Variants in STK32B observed in about 807,000 individuals in gnomAD.
The protein encoded by STK32B is serine/threonine kinase 32B, also known as serine/threonine-protein kinase 32B.
Under a neutral mutation model 52.6 loss-of-function variants are expected in STK32B, and 43 were observed. The ratio of observed to expected loss-of-function variants is 0.82; its 90% CI spans 0.64 to 1.05. The LOEUF is 1.05. Among genes scored for constraint, STK32B ranks in the 50% least tolerant of loss-of-function variants. The pLI, the probability that STK32B is intolerant of heterozygous loss-of-function variation, is 0.00. For missense variants in STK32B, 621 were observed against 534.6 expected (o/e 1.16, Z -1.59); for synonymous variants, 238 against 204.3 (o/e 1.17, Z -1.41).
At chr4:5,044,185 G>T in the STK32B span, among the ~76,000 whole-genome samples, 2 of 152,208 alleles carry the variant, frequency 1.3e-5, no homozygotes, top group East Asian at 1.9e-4. Flanking sequence ...TTCTGTCTAA[G>T]CTGGCTGCCT....
At chr4:5,482,254 A>T (rs1182368316) in intron 11 of STK32B, among the ~76,000 whole-genome samples, 1 of 151,974 alleles carries the variant, frequency 6.6e-6, no homozygotes, top group Non-Finnish European at 1.5e-5. Context: ...ATCCTCTTTT[A>T]TTTCGTTGAG....
chr4:5,189,111 A>AC (rs953007147), intron 3 of STK32B, among the ~76,000 whole-genome samples: 1 of 152,012 alleles, frequency 6.6e-6, no homozygotes, highest in Non-Finnish European at 1.5e-5. Flanking sequence ...CACTTCCCCC[A>AC]CCACAGTGGT....
At chr4:5,173,592 G>T (rs1035241833) in intron 3 of STK32B, among the ~76,000 whole-genome samples, 1 of 152,180 alleles carries the variant, frequency 6.6e-6, no homozygotes, top group Non-Finnish European at 1.5e-5. Flanking sequence ...AGGTTGTTAA[G>T]TTTCCATGTA....
chr4:5,414,137 A>T (rs1428334441), intron 5 of STK32B, among the ~76,000 whole-genome samples: 3 of 152,172 alleles, frequency 2.0e-5, no homozygotes, highest in African/African-American at 7.2e-5. Flanking sequence ...CAGACATCCT[A>T]TGGAATACTG....
At chr4:5,248,953 A>G (rs1438929049) in intron 3 of STK32B, among the ~76,000 whole-genome samples, 3 of 152,024 alleles carry the variant, frequency 2.0e-5, no homozygotes, top group South Asian at 2.1e-4. Flanking sequence ...GAGGAGGGAT[A>G]GCATTAGGAG....
intron 1 of STK32B, among the ~76,000 whole-genome samples, chr4:5,139,106 C>T (rs1389475052): frequency 6.6e-6 from 1 of 152,116 alleles, no homozygotes; most frequent in African/African-American, 2.4e-5. Flanking sequence ...TGGATTAGAC[C>T]AGAGCAGTGG....
intron 1 of STK32B, among the ~76,000 whole-genome samples, chr4:5,121,378 T>A (rs779066098): frequency 9.9e-5 from 15 of 152,158 alleles, no homozygotes; most frequent in Admixed American, 2.0e-4. Flanking sequence ...GCACTTTACA[T>A]GTATTAAAAG....
intron 3 of STK32B, among the ~76,000 whole-genome samples, chr4:5,310,793 T>C: frequency 6.6e-6 from 1 of 152,204 alleles, no homozygotes; most frequent in East Asian, 1.9e-4. Context: ...TCAACTTAAG[T>C]GTCCACAAAT....
chr4:5,136,386 G>T (rs1577093989), intron 1 of STK32B, among the ~76,000 whole-genome samples: 1 of 152,056 alleles, frequency 6.6e-6, no homozygotes, highest in African/African-American at 2.4e-5. Flanking sequence ...ACCCTTTGCA[G>T]CTCTAAGAGT....
intron 4 of STK32B, among the ~76,000 whole-genome samples, chr4:5,382,905 G>T (rs375603543): frequency 6.6e-6 from 1 of 152,192 alleles, no homozygotes; most frequent in African/African-American, 2.4e-5. Context: ...TTCATACAGA[G>T]TTAAGGTCCC....
At chr4:5,121,121 C>G (rs1212334644) in intron 1 of STK32B, among the ~76,000 whole-genome samples, 1 of 152,124 alleles carries the variant, frequency 6.6e-6, no homozygotes, top group Non-Finnish European at 1.5e-5. Context: ...TTATATCACT[C>G]TTAGGACTTT....
chr4:5,430,529 C>A (rs1318260803), intron 6 of STK32B, among the ~76,000 whole-genome samples: 1 of 152,174 alleles, frequency 6.6e-6, no homozygotes, highest in African/African-American at 2.4e-5. Flanking sequence ...TTAGGTCTGA[C>A]ATCTAGTTCA....
At position 5,378,792 on chromosome 4, in the gene STK32B, G is replaced by T. The variant is rs12642390; in HGVS notation, c.435-19415G>T. ...CTGGCTGGGTAGATGAGTTTGTGACGGGGAGGGTTTCTTGGAGCCCCATCC... is the reference window on the plus strand; with the variant it reads ...CTGGCTGGGTAGATGAGTTTGTGACTGGGAGGGTTTCTTGGAGCCCCATCC... On this transcript the variant is annotated intron_variant, in intron 4 of 11. Coordinates refer to ENST00000282908, the MANE Select transcript of STK32B (RefSeq NM_018401.3). The surrounding 1 kb of genome is among the most constrained non-coding windows in gnomAD (Gnocchi z 4.4). Among the ~76,000 whole-genome samples, 23,738 of 152,146 alleles carry T rather than the reference G, an allele frequency of 0.16. 1,928 individuals are homozygous for T. Among genetic ancestry groups the T allele is most frequent in the Non-Finnish European group, 0.18 (12,396 of 67,992 alleles).
chr4:5,335,587 A>G (rs1732615458), intron 4 of STK32B, among the ~76,000 whole-genome samples: 1 of 151,144 alleles, frequency 6.6e-6, no homozygotes, highest in South Asian at 2.1e-4. Context: ...TCAATTTTGG[A>G]TCTTTCCTGC....
chr4:5,491,688 C>A (rs1185473319), intron 11 of STK32B, among the ~76,000 whole-genome samples: 1 of 152,040 alleles, frequency 6.6e-6, no homozygotes, highest in Non-Finnish European at 1.5e-5. Flanking sequence ...CCTAGGTTTT[C>A]TTCTAGGGTT....
chr4:5,033,478 A>G, the STK32B span, among the ~76,000 whole-genome samples: 1 of 152,090 alleles, frequency 6.6e-6, no homozygotes, highest in Non-Finnish European at 1.5e-5. Context: ...AACAACTTAG[A>G]CCTTGGACAG....
At chr4:5,210,400 CT>C (rs1722837848) in intron 3 of STK32B, among the ~76,000 whole-genome samples, 2 of 152,276 alleles carry the variant, frequency 1.3e-5, no homozygotes, top group South Asian at 4.1e-4. Flanking sequence ...TTCTTTGTCC[CT>C]TTTCGTCCAT....
intron 3 of STK32B, among the ~76,000 whole-genome samples, chr4:5,267,081 G>A (rs1727100117): frequency 6.6e-6 from 1 of 151,994 alleles, no homozygotes; most frequent in Admixed American, 6.6e-5. Flanking sequence ...AAACCAGGGT[G>A]GCGTGCAATG....
chr4:5,182,449 G>A (rs1720432997), intron 3 of STK32B, among the ~76,000 whole-genome samples: 1 of 151,864 alleles, frequency 6.6e-6, no homozygotes, highest in African/African-American at 2.4e-5. Flanking sequence ...CTTACAAAAT[G>A]TCCTTTTTTT....
Sources: allele counts gnomAD v4.1 joint callset (sites outside exome capture counted in the v4.1 genomes callset), GRCh38; gene constraint gnomAD v4.1.1; non-coding constraint Gnocchi (gnomAD v3.1); transcripts MANE v1.5; gene names NCBI Gene and HGNC (gene_info 2026-07-23, HGNC 2026-07-21).